Variants in SPATA9 observed in about 807,000 individuals in gnomAD.
SPATA9 encodes spermatogenesis associated 9.
SPATA9 carries 27 observed loss-of-function variants against 25.5 expected under a neutral mutation model. The ratio of observed to expected loss-of-function variants is 1.06; its 90% CI spans 0.78 to 1.46. The LOEUF (loss-of-function observed/expected upper bound fraction) is 1.46. SPATA9 is among the 40% of genes most tolerant of loss of function. The probability of loss-of-function intolerance (pLI) is 0.00; values close to 1 mark genes in which losing one functional copy is unlikely to be tolerated. For missense variants in SPATA9, 282 were observed against 297.5 expected (o/e 0.95, Z 0.38); for synonymous variants, 102 against 105.7 (o/e 0.97, Z 0.21).
At chr5:95,675,675 A>C (rs1752862950) in intron 2 of SPATA9, 36 bp from the exon 3 acceptor site, 1 of 1,570,856 alleles carries the variant, frequency 6.4e-7, no homozygotes, top group Non-Finnish European at 8.8e-7. Context: ...ACTGATGTGT[A>C]ATCTCCAGTG....
the SPATA9 span, chr5:95,713,834 T>G: frequency 1.3e-5 from 2 of 151,832 alleles, no homozygotes. Flanking sequence ...CTCAATCTTA[T>G]CTTCTAAACA....
intron 2 of SPATA9, among the ~76,000 whole-genome samples, chr5:95,681,853 A>G (rs188476): frequency 0.036 from 5,538 of 152,296 alleles, 165 homozygotes; most frequent in Non-Finnish European, 0.055. Flanking sequence ...TTGTTCCTGT[A>G]CCATGTACCT....
chr5:95,703,468 C>A (rs1226528376), upstream of SPATA9, among the ~76,000 whole-genome samples: 5 of 151,884 alleles, frequency 3.3e-5, no homozygotes, highest in Non-Finnish European at 5.9e-5. Flanking sequence ...ACCTTGTCTA[C>A]ACTAAAAATA....
chr5:95,682,073 T>TA (rs1753512682), intron 2 of SPATA9, among the ~76,000 whole-genome samples: 1 of 152,218 alleles, frequency 6.6e-6, no homozygotes, highest in Non-Finnish European at 1.5e-5. Flanking sequence ...AACAGAGGTT[T>TA]AAAAAATATA....
At chr5:95,731,110 G>C in the SPATA9 span, 1 of 1,087,208 alleles carries the variant, frequency 9.2e-7, no homozygotes, top group African/African-American at 1.7e-5. Context: ...CTCGGGCTGG[G>C]GCGTTGTATT....
the SPATA9 span, among the ~76,000 whole-genome samples, chr5:95,715,323 A>C: frequency 1.5e-5 from 2 of 135,044 alleles, no homozygotes; most frequent in East Asian, 4.0e-4. Flanking sequence ...ATTCCATCTC[A>C]AAAAAAAAAA....
At chr5:95,721,030 C>T in the SPATA9 span, among the ~76,000 whole-genome samples, 1 of 152,204 alleles carries the variant, frequency 6.6e-6, no homozygotes. Context: ...AAACATGACA[C>T]ATCCCTTAAT....
At chr5:95,675,741 G>GACACCATGCACAATGTA in intron 2 of SPATA9, 102 bp from the exon 3 acceptor site, 2 of 882,638 alleles carry the variant, frequency 2.3e-6, no homozygotes, top group Non-Finnish European at 3.5e-6. Flanking sequence ...CATTGTGCAT[G>GACACCATGCACAATGTA]GTGTCATGCA....
the SPATA9 span, among the ~76,000 whole-genome samples, chr5:95,714,158 T>C: frequency 2.7e-3 from 408 of 152,314 alleles, 2 homozygotes; most frequent in Non-Finnish European, 4.1e-3. Context: ...AGTTAGCTAA[T>C]TTTTATTATT....
chr5:95,724,147 A>C, the SPATA9 span, among the ~76,000 whole-genome samples: 1 of 152,248 alleles, frequency 6.6e-6, no homozygotes, highest in Non-Finnish European at 1.5e-5. Flanking sequence ...TTTATACTTC[A>C]TGACACAGCA....
At chr5:95,667,125 A>G (rs944710354) in intron 3 of SPATA9, among the ~76,000 whole-genome samples, 2 of 152,206 alleles carry the variant, frequency 1.3e-5, no homozygotes, top group Non-Finnish European at 2.9e-5. Flanking sequence ...TTAGGTTGAA[A>G]GTACATATGG....
chr5:95,675,550 G>C lies in SPATA9; in HGVS notation c.240C>G (p.Asn80Lys), dbSNP rs538125731. 1.9e-6 allele frequency: 3 copies of C among 1,614,032 alleles called. No individual in the cohort carries two copies. Among genetic ancestry groups the C allele is most frequent in the Non-Finnish European group, 2.5e-6 (3 of 1,180,034 alleles). ...CTGATTTGGAGGATCTGGATATGCT[G>C]TTTAATCCACGAATTAATGTTGCTC... ...INRATLIRGL[N>K]SISRSSKSVA... is the part of the protein sequence containing the mutation. Residue 80 changes from asparagine to lysine, a missense_variant, in exon 3 of 5, where the codon AAC becomes AAG. Asn to Lys is a moderately conservative substitution (Grantham distance 94). Transcript: ENST00000274432.
chr5:95,731,683 A>T, the SPATA9 span: 5 of 1,613,456 alleles, frequency 3.1e-6, no homozygotes, highest in Non-Finnish European at 8.5e-7. Context: ...ATTTGAGATC[A>T]TGTACGTACG....
In SPATA9 at chr5:95,658,648, G is replaced by A. The variant is rs757867207; in HGVS notation, c.740C>T (p.Ser247Leu). 6.2e-7 allele frequency: 1 copy of A among 1,613,180 alleles called. No homozygotes were observed. Among genetic ancestry groups the A allele is most frequent in the Admixed American group, 1.7e-5 (1 of 59,892 alleles). ...IQVLHSVFDQ[S>L]AEMNEQI is the part of the protein sequence containing the mutation. Reference sequence around the variant, plus strand: ...TCAGATTTGCTCATTCATTTCAGCTGATTGGTCAAACACAGAATGTAAAAC... The same window carrying A: ...TCAGATTTGCTCATTCATTTCAGCTAATTGGTCAAACACAGAATGTAAAAC... The change falls in exon 5 of 5, where the codon TCA (serine) becomes TTA (leucine). Residue 247 changes from serine to leucine, a missense_variant. Ser to Leu is a moderately radical substitution (Grantham distance 145). Transcript: ENST00000274432.
upstream of SPATA9, chr5:95,684,517 CT>C (rs1199848820): frequency 7.2e-5 from 11 of 152,346 alleles, no homozygotes; most frequent in African/African-American, 2.6e-4. Context: ...ATTTCTCAGG[CT>C]AATGTTTACT....
chr5:95,697,996 C>T (rs1754079194), intron 1 of SPATA9, among the ~76,000 whole-genome samples: 1 of 151,834 alleles, frequency 6.6e-6, no homozygotes, highest in Non-Finnish European at 1.5e-5. Context: ...GTGCCTATGC[C>T]TACTACTTCA....
the SPATA9 span, among the ~76,000 whole-genome samples, chr5:95,716,495 C>T: frequency 6.6e-6 from 1 of 152,346 alleles, no homozygotes; most frequent in South Asian, 2.1e-4. Context: ...AGTATATTTA[C>T]CCAATGTCTG....
chr5:95,671,348 G>A (rs1752348846), intron 3 of SPATA9, among the ~76,000 whole-genome samples: 1 of 152,192 alleles, frequency 6.6e-6, no homozygotes, highest in Non-Finnish European at 1.5e-5. Flanking sequence ...CATAGGGCAA[G>A]GGTGAGACAT....
At chr5:95,715,194 C>G in the SPATA9 span, among the ~76,000 whole-genome samples, 17 of 151,836 alleles carry the variant, frequency 1.1e-4, no homozygotes, top group Admixed American at 4.6e-4. Flanking sequence ...CGTGGTGGTG[C>G]ATGCCTGTAG....
Sources: allele counts gnomAD v4.1 joint callset (sites outside exome capture counted in the v4.1 genomes callset), GRCh38; gene constraint gnomAD v4.1.1; transcripts MANE v1.5; gene names NCBI Gene and HGNC (gene_info 2026-07-23, HGNC 2026-07-21).